MRPS6: variants seen among roughly 807,000 people sequenced by gnomAD.
The protein encoded by MRPS6 is mitochondrial ribosomal protein S6.
A neutral mutation model predicts 13.1 loss-of-function variants in MRPS6; 6 were observed. That is an observed-to-expected ratio of 0.46 (90% confidence interval 0.25 to 0.91). The LOEUF (loss-of-function observed/expected upper bound fraction) is 0.91. MRPS6 is among the 40% of genes least tolerant of loss of function. The pLI is 0.18. For synonymous variants in MRPS6, 61 were observed against 56.5 expected, an observed-to-expected ratio of 1.08 and a Z score of -0.36; for missense variants, 164 against 155.6, an observed-to-expected ratio of 1.05 and a Z score of -0.29.
At chr21:34,117,055 G>A (rs1290666536) in intron 1 of MRPS6, among the ~76,000 whole-genome samples, 6 of 152,080 alleles carry the variant, frequency 3.9e-5, no homozygotes, top group African/African-American at 1.4e-4. Context: ...AAGTAGCTGT[G>A]GAGTTAAAGG....
intron 2 of MRPS6, among the ~76,000 whole-genome samples, chr21:34,141,473 T>G (rs1284801469): frequency 6.6e-6 from 1 of 152,072 alleles, no homozygotes; most frequent in Non-Finnish European, 1.5e-5. Context: ...CGGAGAACAT[T>G]TCCAACAGAA....
intron 1 of MRPS6, chr21:34,097,379 A>G: frequency 6.4e-7 from 1 of 1,557,208 alleles, no homozygotes; most frequent in Non-Finnish European, 8.7e-7. Flanking sequence ...GTGAGACACT[A>G]ACTTAAGACA....
intron 1 of MRPS6, among the ~76,000 whole-genome samples, chr21:34,112,429 A>G (rs1339827803): frequency 1.3e-5 from 2 of 152,210 alleles, no homozygotes; most frequent in African/African-American, 2.4e-5. Context: ...ATCTTTTCAA[A>G]AAAACAGTTT....
intron 1 of MRPS6, chr21:34,100,892 C>T (rs1368388393): frequency 2.0e-6 from 2 of 1,000,162 alleles, no homozygotes; most frequent in Non-Finnish European, 2.4e-6. Flanking sequence ...TTACTTGCTA[C>T]TCAAAGGTTA....
intron 1 of MRPS6, among the ~76,000 whole-genome samples, chr21:34,106,955 T>C (rs1438276388): frequency 1.3e-5 from 2 of 151,856 alleles, no homozygotes; most frequent in East Asian, 1.9e-4. Flanking sequence ...GGAGGGGAAA[T>C]GTGACTTGCT....
intron 1 of MRPS6, chr21:34,098,724 C>T (rs1020853265): frequency 2.0e-6 from 2 of 1,000,074 alleles, no homozygotes; most frequent in Admixed American, 6.2e-5. Flanking sequence ...AGGACTCTAA[C>T]TTGACATGGC....
intron 1 of MRPS6, among the ~76,000 whole-genome samples, chr21:34,092,148 GTA>G (rs1334473513): frequency 6.6e-6 from 1 of 151,312 alleles, no homozygotes; most frequent in Admixed American, 6.6e-5. Flanking sequence ...ATAACATACT[GTA>G]TATTCAGAAC....
intron 1 of MRPS6, among the ~76,000 whole-genome samples, chr21:34,077,044 C>T (rs1193802997): frequency 6.6e-6 from 1 of 152,158 alleles, no homozygotes; most frequent in African/African-American, 2.4e-5. Flanking sequence ...AGGTCTATAT[C>T]CACCTCCACC....
chr21:34,094,080 T>G (rs767323457), intron 1 of MRPS6, among the ~76,000 whole-genome samples: 1 of 152,254 alleles, frequency 6.6e-6, no homozygotes, highest in African/African-American at 2.4e-5. Flanking sequence ...TACTGCCTGA[T>G]GAAAAGGAAG....
intron 1 of MRPS6, chr21:34,095,670 C>CT: frequency 6.2e-7 from 1 of 1,613,834 alleles, no homozygotes; most frequent in Non-Finnish European, 8.5e-7. Flanking sequence ...GGGTTGGAAT[C>CT]TTTATGTGTC....
intron 1 of MRPS6, chr21:34,098,587 T>C: frequency 1.0e-6 from 1 of 1,000,290 alleles, no homozygotes; most frequent in South Asian, 4.7e-5. Context: ...CAGTGCATAC[T>C]TTGCTGTTGT....
At chr21:34,118,017 C>G (rs1011116290) in intron 1 of MRPS6, among the ~76,000 whole-genome samples, 1 of 151,976 alleles carries the variant, frequency 6.6e-6, no homozygotes, top group Non-Finnish European at 1.5e-5. Context: ...AAAAGCCTGA[C>G]CTGTGAATCT....
At chr21:34,097,828 C>T in intron 1 of MRPS6, 2 of 997,814 alleles carry the variant, frequency 2.0e-6, no homozygotes, top group Non-Finnish European at 1.2e-6. Context: ...TACTGAAAAT[C>T]GAATGTGCTT....
intron 1 of MRPS6, chr21:34,105,537 C>A (rs771003551): frequency 1.0e-6 from 1 of 999,352 alleles, no homozygotes; most frequent in Non-Finnish European, 1.2e-6. Context: ...ACATGTTCTT[C>A]CCAGTGTCCT....
At chr21:34,097,285 T>C in intron 1 of MRPS6, 1 of 1,612,688 alleles carries the variant, frequency 6.2e-7, no homozygotes, top group Non-Finnish European at 8.5e-7. Context: ...CAAGTTAAAG[T>C]AATACTAAAT....
chr21:34,089,122 G>T (rs559778216), intron 1 of MRPS6, among the ~76,000 whole-genome samples: 2 of 152,142 alleles, frequency 1.3e-5, no homozygotes, highest in Non-Finnish European at 2.9e-5. Flanking sequence ...CACCTCTCTG[G>T]GTTCAAGCGA....
chr21:34,106,760 A>G (rs1439476633), intron 1 of MRPS6, among the ~76,000 whole-genome samples: 1 of 152,222 alleles, frequency 6.6e-6, no homozygotes, highest in African/African-American at 2.4e-5. Flanking sequence ...TGGACAGAGA[A>G]ACAGTGATTT....
chr21:34,074,102 G>A (rs1989260248), intron 1 of MRPS6, among the ~76,000 whole-genome samples: 1 of 148,266 alleles, frequency 6.7e-6, no homozygotes, highest in Non-Finnish European at 1.5e-5. Flanking sequence ...GACACGCGCG[G>A]GCGCCCAGCC....
At chr21:34,103,619 A>C (rs1979347127) in intron 1 of MRPS6, 4 of 1,000,164 alleles carry the variant, frequency 4.0e-6, no homozygotes, top group Non-Finnish European at 4.8e-6. Context: ...AGAAAGCACA[A>C]GACTAATAGT....
Sources: allele counts gnomAD v4.1 joint callset (sites outside exome capture counted in the v4.1 genomes callset), GRCh38; gene constraint gnomAD v4.1.1; transcripts MANE v1.5; gene names NCBI Gene and HGNC (gene_info 2026-07-23, HGNC 2026-07-21).